BABAM2: variants seen among roughly 807,000 people sequenced by gnomAD.
The protein encoded by BABAM2 is BRISC and BRCA1 A complex member 2.
BABAM2 carries 31 observed loss-of-function variants against 54.7 expected under a neutral mutation model. The ratio of observed to expected loss-of-function variants is 0.57; its 90% CI spans 0.43 to 0.77. The LOEUF (loss-of-function observed/expected upper bound fraction) is 0.77, where lower values mean the gene tolerates loss of function less well. BABAM2 is among the 30% of genes least tolerant of loss of function. BABAM2 has a pLI of 0.00. For synonymous variants in BABAM2, 167 were observed against 162.9 expected (o/e 1.03, Z -0.19); for missense variants, 364 against 455.8 (o/e 0.80, Z 1.83).
intron 6 of BABAM2, among the ~76,000 whole-genome samples, chr2:28,070,724 T>C (rs1664059683): frequency 6.6e-6 from 1 of 152,164 alleles, no homozygotes; most frequent in Admixed American, 6.5e-5. Context: ...AAGTTGGCTT[T>C]GCACTGAAAG....
At chr2:28,040,603 A>G (rs1677026650) in intron 5 of BABAM2, among the ~76,000 whole-genome samples, 2 of 152,126 alleles carry the variant, frequency 1.3e-5, no homozygotes, top group African/African-American at 4.8e-5. Context: ...CCCGGCCGAA[A>G]AACTGAATTC....
At chr2:28,077,844 T>A (rs976042444) in intron 6 of BABAM2, among the ~76,000 whole-genome samples, 22 of 152,184 alleles carry the variant, frequency 1.4e-4, no homozygotes, top group African/African-American at 5.1e-4. Context: ...ATAGTTTTCA[T>A]AAAATTCATG....
At chr2:27,918,145 A>G (rs1667111701) in intron 2 of BABAM2, among the ~76,000 whole-genome samples, 1 of 152,220 alleles carries the variant, frequency 6.6e-6, no homozygotes, top group Admixed American at 6.5e-5. Flanking sequence ...TTTTAAGCAT[A>G]CAGTTCTGTG....
chr2:27,962,974 ATT>A (rs1183673714), intron 3 of BABAM2, among the ~76,000 whole-genome samples: 2 of 152,206 alleles, frequency 1.3e-5, no homozygotes, highest in African/African-American at 4.8e-5. Flanking sequence ...TCTTATTTGC[ATT>A]GACAGTTTTA....
chr2:27,905,089 G>A (rs571492998), intron 2 of BABAM2, among the ~76,000 whole-genome samples: 1 of 152,326 alleles, frequency 6.6e-6, no homozygotes, highest in South Asian at 2.1e-4. Context: ...ACAGAAGTTA[G>A]ATTGAGGTAG....
intron 5 of BABAM2, among the ~76,000 whole-genome samples, chr2:28,038,848 A>G (rs961780830): frequency 6.6e-6 from 1 of 152,186 alleles, no homozygotes; most frequent in East Asian, 1.9e-4. Context: ...TAAACATATA[A>G]GTGGAGGTGT....
upstream of BABAM2, chr2:27,890,409 A>G (rs2148241719): frequency 1.3e-6 from 2 of 1,497,098 alleles, no homozygotes; most frequent in Non-Finnish European, 1.8e-6. This position sits in a 1 kb window ranked among gnomAD's most constrained non-coding sequence, Gnocchi z 4.8. Flanking sequence ...CCCCGTAACC[A>G]GAGACGCCAC....
intron 4 of BABAM2, among the ~76,000 whole-genome samples, chr2:27,989,038 G>A (rs531628171): frequency 2.6e-4 from 39 of 152,224 alleles, no homozygotes; most frequent in African/African-American, 8.7e-4. Context: ...GAACATAGCT[G>A]TAAAAATATT....
At chr2:28,293,798 A>G (rs1347995104) in intron 10 of BABAM2, among the ~76,000 whole-genome samples, 1 of 152,170 alleles carries the variant, frequency 6.6e-6, no homozygotes, top group Non-Finnish European at 1.5e-5. Context: ...AGGGAGGATC[A>G]CCTGAGGCCA....
intron 6 of BABAM2, among the ~76,000 whole-genome samples, chr2:28,076,013 C>A (rs1664625002): frequency 6.6e-6 from 1 of 152,028 alleles, no homozygotes; most frequent in South Asian, 2.1e-4. Flanking sequence ...CCTGTAATCC[C>A]AACACTTTGG....
chr2:28,214,891 C>T (rs1679794201), intron 7 of BABAM2, among the ~76,000 whole-genome samples: 1 of 151,972 alleles, frequency 6.6e-6, no homozygotes, highest in African/African-American at 2.4e-5. Flanking sequence ...CCTCCCCAAG[C>T]ACTCCTTGCA....
chr2:27,947,276 C>CT (rs200036947), intron 3 of BABAM2, among the ~76,000 whole-genome samples: 4,372 of 151,948 alleles, frequency 0.029, 221 homozygotes, highest in African/African-American at 0.1. Flanking sequence ...TTTATTTTGT[C>CT]TCTACTGTTG....
chr2:28,000,542 A>G (rs1673505667), intron 4 of BABAM2, among the ~76,000 whole-genome samples: 1 of 152,160 alleles, frequency 6.6e-6, no homozygotes, highest in Non-Finnish European at 1.5e-5. Flanking sequence ...GCTACCCTGT[A>G]AAGCTACTCT....
At position 28,017,466 on chromosome 2, in the gene BABAM2, C is replaced by T. The variant is rs1234044660; in HGVS notation, c.301-7760C>T. ...GTTTAAAATTAGAAATTACCTAATG[C>T]ACTATTACTAAGTTGTAGAAAGATT... On this transcript the variant is annotated intron_variant, in intron 4 of 11. Coordinates refer to ENST00000379624, the MANE Select transcript of BABAM2 (RefSeq NM_199191.3). 2.0e-5 allele frequency among the ~76,000 whole-genome samples: 3 copies of T among 152,146 alleles called. No individual in the cohort carries two copies. The East Asian group carries it at 5.8e-4, about 29-fold the overall frequency.
intron 10 of BABAM2, among the ~76,000 whole-genome samples, chr2:28,292,819 G>T (rs932924088): frequency 1.3e-5 from 2 of 152,208 alleles, no homozygotes; most frequent in African/African-American, 4.8e-5. Context: ...TTTATTGAAG[G>T]CTGAGTGATA....
intron 6 of BABAM2, among the ~76,000 whole-genome samples, chr2:28,056,346 T>G (rs1678413056): frequency 6.6e-6 from 1 of 152,250 alleles, no homozygotes; most frequent in African/African-American, 2.4e-5. Context: ...AGTAACCTTT[T>G]TATTGTCTGT....
At chr2:28,332,002 A>G (rs1475338419) in intron 11 of BABAM2, among the ~76,000 whole-genome samples, 1 of 152,208 alleles carries the variant, frequency 6.6e-6, no homozygotes, top group Non-Finnish European at 1.5e-5. Flanking sequence ...CAAGGAGATC[A>G]TGTCTTTTGC....
intron 3 of BABAM2, among the ~76,000 whole-genome samples, chr2:27,941,884 A>C (rs991336783): frequency 6.6e-6 from 1 of 152,204 alleles, no homozygotes; most frequent in African/African-American, 2.4e-5. Context: ...AATGGAATGT[A>C]CCATTTAATT....
In BABAM2 at chr2:27,995,692, G is replaced by C. The variant is rs907475596; in HGVS notation, c.300+7605G>C. Among the ~76,000 whole-genome samples the C allele has an allele frequency of 6.6e-6, 1 of 152,058 alleles. No individual in the cohort carries two copies. The highest frequency in any genetic ancestry group is 2.4e-5 in the African/African-American group (1 of 41,406). On this transcript the variant is annotated intron_variant, in intron 4 of 11. Coordinates refer to ENST00000379624, the MANE Select transcript of BABAM2 (RefSeq NM_199191.3). The surrounding 1 kb of genome is among the most constrained non-coding windows in gnomAD (Gnocchi z 4.1). ...CCTCCCGGGTTCACGCCATTCTCCT[G>C]CCTCAGCCTCCCGAGTAGCTGGGAC... is the stretch of plus-strand genomic sequence containing the variant.
Sources: allele counts gnomAD v4.1 joint callset (sites outside exome capture counted in the v4.1 genomes callset), GRCh38; gene constraint gnomAD v4.1.1; non-coding constraint Gnocchi (gnomAD v3.1); transcripts MANE v1.5; gene names NCBI Gene and HGNC (gene_info 2026-07-23, HGNC 2026-07-21).